Variants in ENPP4 observed in about 807,000 individuals in gnomAD.
The protein encoded by ENPP4 is bis(5'-adenosyl)-triphosphatase ENPP4.
In ENPP4, 18 loss-of-function variants were observed where a neutral mutation model predicts 33.4. That is an observed-to-expected ratio of 0.54 (90% CI 0.37 to 0.80). The LOEUF is 0.80. Among genes scored for constraint, ENPP4 ranks in the 30% least tolerant of loss-of-function variants. The probability of loss-of-function intolerance (pLI) is 0.00; values close to 1 mark genes in which losing one functional copy is unlikely to be tolerated. For synonymous variants in ENPP4, 172 were observed against 189.9 expected (o/e 0.91, Z 0.78); for missense variants, 480 against 541.7 (o/e 0.89, Z 1.13).
In ENPP4 at chr6:46,146,666, T is replaced by G. The variant is rs765644771; in HGVS notation, c.*3026T>G. ...GTGAATAAAATCTACCAAAAAATTC[T>G]TACTGTAATTATTAAATATAAAGTT... On this transcript the variant is annotated 3_prime_UTR_variant, in exon 4 of 4. Transcript: ENST00000321037. 2.5e-4 allele frequency: 38 copies of G among 151,990 alleles called. No homozygotes were observed. The highest frequency in any genetic ancestry group is 5.0e-4 in the Non-Finnish European group (34 of 67,906). 9.4% of individuals were successfully genotyped at this position (151,990 alleles called of 1,614,324 possible). A position where few individuals can be genotyped will look rare whatever the true frequency, so the allele number is the denominator to read the frequency against.
intron 1 of ENPP4, among the ~76,000 whole-genome samples, chr6:46,136,350 A>AT (rs1763975946): frequency 6.6e-6 from 1 of 151,986 alleles, no homozygotes; most frequent in Non-Finnish European, 1.5e-5. Flanking sequence ...TTGTTGAATG[A>AT]TTTTTTACAA....
Position 46,140,300 on chromosome 6 carries a change from G to A in ENPP4, c.717G>A (p.Gly239=), listed in dbSNP as rs1764038477. 1 of 1,611,852 alleles carries A rather than the reference G, an allele frequency of 6.2e-7. No homozygotes were observed. Among genetic ancestry groups the A allele is most frequent in the South Asian group, 1.1e-5 (1 of 91,022 alleles). Residue 239 remains glycine, a synonymous_variant, in exon 2 of 4, where the codon GGG becomes GGA. Transcript: ENST00000321037. ...ATGTGATCATTACAAGTGATCATGG[G>A]ATGACCCAGTGTTCTCAGGACAGAC... The part of the protein sequence containing the change: ...NLNVIITSDH[G]MTQCSQDRLI...
intron 2 of ENPP4, 35 bp downstream of exon 2, chr6:46,140,444 C>T (rs745848172): frequency 1.3e-5 from 17 of 1,289,962 alleles, no homozygotes; most frequent in African/African-American, 1.0e-4. Flanking sequence ...TACTATTATT[C>T]GAATGGGGCA....
intron 1 of ENPP4, among the ~76,000 whole-genome samples, chr6:46,132,728 C>G (rs1474687409): frequency 6.6e-6 from 1 of 152,198 alleles, no homozygotes; most frequent in African/African-American, 2.4e-5. Context: ...GGCATTGAAT[C>G]TATAAATACC....
At chr6:46,136,112 G>A (rs943781297) in intron 1 of ENPP4, among the ~76,000 whole-genome samples, 1 of 151,940 alleles carries the variant, frequency 6.6e-6, no homozygotes, top group African/African-American at 2.4e-5. Context: ...AAGATACTGT[G>A]CCACCTATTT....
chr6:46,131,245 G>C (rs1340196637), intron 1 of ENPP4, among the ~76,000 whole-genome samples: 1 of 151,978 alleles, frequency 6.6e-6, no homozygotes, highest in East Asian at 1.9e-4. Flanking sequence ...TGCCATGCTG[G>C]TGCGCTGCAC....
rs1718303265 is a variant in ENPP4, at chr6:46,132,189, T to C, written c.-34+2000T>C. On this transcript the variant is annotated intron_variant, in intron 1 of 3. Transcript: ENST00000321037. The stretch of plus-strand genomic sequence containing the variant: ...TCCCATTTGTCAATTTTGGCTTTTG[T>C]TGCCGTTGCTTTTGGTGTTTTAGAC... Among the ~76,000 whole-genome samples, 3 of 152,172 alleles carry C rather than the reference T, an allele frequency of 2.0e-5. No homozygotes were observed. In the South Asian group the frequency reaches 6.2e-4, roughly 32 times the overall value.
chr6:46,133,311 A>AT (rs1156887891), intron 1 of ENPP4, among the ~76,000 whole-genome samples: 1 of 152,144 alleles, frequency 6.6e-6, no homozygotes, highest in Non-Finnish European at 1.5e-5. Flanking sequence ...TAAGGAGTAT[A>AT]TTTTTTTCCT....
intron 2 of ENPP4, 26 bp from the exon 3 acceptor site, chr6:46,141,026 C>T: frequency 9.4e-6 from 14 of 1,495,370 alleles, no homozygotes; most frequent in South Asian, 6.4e-5. Flanking sequence ...AACTTGTTTC[C>T]TTTGCTGTTT....
intron 2 of ENPP4, 29 bp downstream of exon 2, chr6:46,140,438 A>T: frequency 1.5e-6 from 2 of 1,292,518 alleles, no homozygotes; most frequent in African/African-American, 1.5e-5. Flanking sequence ...GAGGGATACT[A>T]TTATTCGAAT....
Position 46,140,025 on chromosome 6 carries a change from T to G in ENPP4, c.442T>G (p.Ser148Ala). ...GTDVPIHDTI[S>A]SYFMNYNSSV... ...TGATGTACCCATTCACGATACCATC[T>G]CTTCCTATTTTATGAATTACAACTC... Residue 148 changes from serine to alanine, a missense_variant, in exon 2 of 4, where the codon TCT (serine) becomes GCT (alanine). Ser to Ala is a moderately conservative substitution (Grantham distance 99). Coordinates refer to ENST00000321037, the MANE Select transcript of ENPP4 (RefSeq NM_014936.5). 1 of 1,612,752 alleles carries G rather than the reference T, an allele frequency of 6.2e-7. No individual in the cohort carries two copies. The highest frequency in any genetic ancestry group is 8.5e-7 in the Non-Finnish European group (1 of 1,179,062).
intron 1 of ENPP4, among the ~76,000 whole-genome samples, chr6:46,132,737 C>T (rs1235200270): frequency 2.0e-5 from 3 of 152,092 alleles, no homozygotes; most frequent in Non-Finnish European, 4.4e-5. Context: ...TCTATAAATA[C>T]CTTGGGCATT....
chr6:46,146,335 G>A lies in ENPP4; in HGVS notation c.*2695G>A, dbSNP rs895430694. On this transcript the variant is annotated 3_prime_UTR_variant, in exon 4 of 4. Coordinates refer to ENST00000321037, the MANE Select transcript of ENPP4 (RefSeq NM_014936.5). ...TCTTGTAACATTAAAGGATTAAAAT[G>A]TTTTTACATTGTTTTTGGGTGTCTC... is the stretch of plus-strand genomic sequence containing the variant. 1 of 152,198 alleles carries A rather than the reference G, an allele frequency of 6.6e-6. No individual in the cohort carries two copies. The highest frequency in any genetic ancestry group is 1.5e-5 in the Non-Finnish European group (1 of 67,806). The allele number at this position is 152,198 out of a possible 1,614,324, so 9.4% of individuals were successfully genotyped here.
intron 1 of ENPP4, among the ~76,000 whole-genome samples, chr6:46,136,802 AGAGGTATT>A (rs1271159666): frequency 6.6e-6 from 1 of 151,922 alleles, no homozygotes; most frequent in Admixed American, 6.6e-5. Flanking sequence ...GCTCTGGACA[AGAGGTATT>A]GAGGACTAAA....
intron 3 of ENPP4, among the ~76,000 whole-genome samples, chr6:46,141,912 C>G (rs1433702837): frequency 6.6e-6 from 1 of 151,558 alleles, no homozygotes; most frequent in Non-Finnish European, 1.5e-5. Flanking sequence ...TGTGGGCCAG[C>G]TGGTCTCTGT....
chr6:46,141,757 G>A (rs906829156), intron 3 of ENPP4, among the ~76,000 whole-genome samples: 2 of 151,662 alleles, frequency 1.3e-5, no homozygotes, highest in Non-Finnish European at 3.0e-5. Context: ...ATAGGGGTGA[G>A]TTACAGGCTT....
chr6:46,145,156 A>G lies in ENPP4; in HGVS notation c.*1516A>G, dbSNP rs1764124980. 6 of 373,456 alleles carry G rather than the reference A, an allele frequency of 1.6e-5. No homozygotes were observed. The highest frequency in any genetic ancestry group is 1.5e-4 in the South Asian group (1 of 6,848). 23.1% of individuals were successfully genotyped at this position (373,456 alleles called of 1,614,324 possible). ...TTACAAATATAAAAGTATAATAAAT[A>G]TGCAGCCCAGTTAAATATTGATTAT... On this transcript the variant is annotated 3_prime_UTR_variant, in exon 4 of 4. Transcript: ENST00000321037.
intron 1 of ENPP4, among the ~76,000 whole-genome samples, chr6:46,139,067 A>G (rs1051652652): frequency 6.6e-6 from 1 of 151,806 alleles, no homozygotes; most frequent in African/African-American, 2.4e-5. Context: ...ATTTTCAACA[A>G]GAACTGGCAA....
rs1403902952 is a variant in ENPP4, at chr6:46,143,573, T to C, written c.1295T>C (p.Leu432Pro). ...CTCATAATAATCATGCAGAATAGACTTTCTGTACCTCGTCCATTTTCTCGA... is the reference window on the plus strand; with the variant it reads ...CTCATAATAATCATGCAGAATAGACCTTCTGTACCTCGTCCATTTTCTCGA... ...TCLIIIMQNR[L>P]SVPRPFSRLQ... The change falls in exon 4 of 4, where the codon CTT becomes CCT. Residue 432 changes from leucine to proline, a missense_variant. Physicochemically the swap from Leu to Pro is moderately conservative, Grantham distance 98. This residue lies in a region of ENPP4 where 249 missense variants were observed against 251.8 expected (regional missense o/e 0.99). Coordinates refer to ENST00000321037, the MANE Select transcript of ENPP4 (RefSeq NM_014936.5). 4 of 1,612,278 alleles carry C rather than the reference T, an allele frequency of 2.5e-6. No individual in the cohort carries two copies. In the South Asian group the frequency reaches 4.4e-5, roughly 18 times the overall value.
Sources: allele counts gnomAD v4.1 joint callset (sites outside exome capture counted in the v4.1 genomes callset), GRCh38; gene constraint gnomAD v4.1.1; regional missense constraint gnomAD v4.1.1; transcripts MANE v1.5; gene names NCBI Gene and HGNC (gene_info 2026-07-23, HGNC 2026-07-21).